Variants in NEB observed in about 807,000 individuals in gnomAD.
The protein encoded by NEB is nebulin.
In NEB, 512 loss-of-function variants were observed where a neutral mutation model predicts 952.2. That is an observed-to-expected ratio of 0.54 (90% CI 0.50 to 0.58). The LOEUF (loss-of-function observed/expected upper bound fraction) is 0.58. Ranked by LOEUF, NEB falls within the 20% of genes least tolerant of loss-of-function variation. The pLI, the probability that NEB is intolerant of heterozygous loss-of-function variation, is 0.00. For missense variants in NEB, 8,428 were observed against 9,231.1 expected, an observed-to-expected ratio of 0.91 and a Z score of 3.56; for synonymous variants, 2,900 against 3,149.8, an observed-to-expected ratio of 0.92 and a Z score of 2.66.
At chr2:151,719,181 T>C (rs1333343291) in intron 9 of NEB, among the ~76,000 whole-genome samples, 1 of 152,362 alleles carries the variant, frequency 6.6e-6, no homozygotes, top group South Asian at 2.1e-4. Flanking sequence ...AGCTCTGGGA[T>C]GGCAAAGAAG....
chr2:151,522,875 A>G (rs1455102107), intron 153 of NEB, among the ~76,000 whole-genome samples: 1 of 152,192 alleles, frequency 6.6e-6, no homozygotes, highest in African/African-American at 2.4e-5. Flanking sequence ...GAACAGGGAA[A>G]GCCCACACAC....
intron 161 of NEB, among the ~76,000 whole-genome samples, chr2:151,510,859 T>A (rs1199508439): frequency 1.3e-5 from 2 of 152,236 alleles, no homozygotes; most frequent in African/African-American, 4.8e-5. Flanking sequence ...CAGCTTACAT[T>A]GCTTGTATTA....
Position 151,537,930 on chromosome 2 carries a change from G to A in NEB, c.21044C>T (p.Ser7015Phe). Residue 7015 changes from serine (S) to phenylalanine (F), a missense_variant, in exon 140 of 182, where the codon TCC (serine) becomes TTC (phenylalanine). Ser to Phe is a radical substitution (Grantham distance 155, BLOSUM62 -2). This residue lies in a region of NEB where 3,374 missense variants were observed against 3,651.5 expected (regional missense o/e 0.92). Transcript: ENST00000397345. The stretch of plus-strand genomic sequence containing the variant: ...GAAATGCTCTGGACGATCAGGAATG[G>A]ACCTCCAGATACCCAACTGGCTCAT... Reference protein sequence around the residue: ...NYMSQLGIWRSIPDRPEHFHH... With the variant: ...NYMSQLGIWRFIPDRPEHFHH... 6.2e-7 allele frequency: 1 copy of A among 1,613,418 alleles called. No individual in the cohort carries two copies. Among genetic ancestry groups the A allele is most frequent in the Non-Finnish European group, 8.5e-7 (1 of 1,179,578 alleles).
chr2:151,601,370 A>G (rs562029680), intron 88 of NEB, among the ~76,000 whole-genome samples: 1 of 145,632 alleles, frequency 6.9e-6, no homozygotes, highest in East Asian at 2.0e-4. Context: ...TGGCCTCCCA[A>G]AATGCTGGGA....
chr2:151,576,062 T>G, intron 106 of NEB, 89 bp downstream of exon 106: 2 of 1,077,866 alleles, frequency 1.9e-6, no homozygotes, highest in Non-Finnish European at 1.3e-6. Context: ...TTAATAAAGT[T>G]TTTATTATTC....
intron 165 of NEB, 100 bp from the exon 166 acceptor site, chr2:151,503,541 T>C (rs1477461078): frequency 1.4e-6 from 1 of 722,124 alleles, no homozygotes; most frequent in African/African-American, 1.8e-5. Flanking sequence ...ATAAAAACAA[T>C]CTAGCTCTCA....
At position 151,491,489 on chromosome 2, in the gene NEB, A is replaced by C. The variant is rs1318337551; in HGVS notation, c.25150+194T>G. ...AGACATGCACTGAGGCAGTGAAACA[A>C]AATTTTTTCTAACTTGAACTTATCT... is the stretch of plus-strand genomic sequence containing the variant. On this transcript the variant is annotated intron_variant, in intron 179 of 181. Transcript: ENST00000397345. The C allele has an allele frequency of 1.6e-5, 8 of 488,936 alleles. No homozygotes were observed. The Admixed American group carries it at 2.0e-4, about 12-fold the overall frequency. 30.3% of individuals were successfully genotyped at this position (488,936 alleles called of 1,614,324 possible). A position where few individuals can be genotyped will look rare whatever the true frequency, so the allele number is the denominator to read the frequency against.
At chr2:151,707,789 T>C (rs2099718798) in intron 12 of NEB, among the ~76,000 whole-genome samples, 1 of 152,098 alleles carries the variant, frequency 6.6e-6, no homozygotes, top group African/African-American at 2.4e-5. Flanking sequence ...CTACCACTTA[T>C]GAACTCAGAA....
At chr2:151,724,711 G>A in intron 7 of NEB, 146 bp downstream of exon 7, 2 of 652,248 alleles carry the variant, frequency 3.1e-6, no homozygotes, top group South Asian at 2.0e-5. Context: ...CATCTGTGCA[G>A]CCTCCTTGAT....
At chr2:151,545,519 G>A (rs2094565890) in intron 135 of NEB, among the ~76,000 whole-genome samples, 1 of 151,952 alleles carries the variant, frequency 6.6e-6, no homozygotes, top group African/African-American at 2.4e-5. Context: ...AGGTTGCAGT[G>A]AGCCGAGATT....
At position 151,675,245 on chromosome 2, in the gene NEB, T is replaced by G. The variant is rs112663437; in HGVS notation, c.3879+42A>C. On this transcript the variant is annotated intron_variant, in intron 35 of 181. Transcript: ENST00000397345. ...CTACTCTTAAAGTCTATAATTTTAT[T>G]GTCAGGTCCGAATTTCACATCCCAG... The G allele has an allele frequency of 7.6e-4, 1,026 of 1,341,472 alleles. 6 individuals carry two copies. The African/African-American group carries it at 0.011, about 14-fold the overall frequency. 83.1% of individuals were successfully genotyped at this position (1,341,472 alleles called of 1,614,324 possible).
intron 155 of NEB, 60 bp downstream of exon 155, chr2:151,518,905 A>C: frequency 8.5e-7 from 1 of 1,178,896 alleles, no homozygotes; most frequent in South Asian, 1.3e-5. Context: ...CTGGGCTCAG[A>C]AAGAATTTAG....
intron 109 of NEB, 131 bp from the exon 110 acceptor site, chr2:151,569,503 G>A (rs1015739928): frequency 3.0e-5 from 21 of 702,118 alleles, no homozygotes; most frequent in Non-Finnish European, 3.6e-5. Flanking sequence ...AAGCAGCCAC[G>A]CAGGTAATGT....
intron 12 of NEB, among the ~76,000 whole-genome samples, chr2:151,707,481 G>A (rs2099711384): frequency 6.6e-6 from 1 of 151,912 alleles, no homozygotes; most frequent in Non-Finnish European, 1.5e-5. Flanking sequence ...ACCTGCAACT[G>A]TGCATGGAGC....
intron 102 of NEB, 93 bp from the exon 103 acceptor site, chr2:151,581,680 A>G (rs2097099696): frequency 2.1e-6 from 3 of 1,428,064 alleles, no homozygotes; most frequent in East Asian, 2.5e-5. Context: ...ATACTTGAAT[A>G]AATGGATGAT....
At chr2:151,730,093 G>A (rs1297805612) in intron 3 of NEB, among the ~76,000 whole-genome samples, 3 of 152,144 alleles carry the variant, frequency 2.0e-5, no homozygotes, top group Admixed American at 1.3e-4. Flanking sequence ...AGAAACTCGA[G>A]TGTGAATACA....
rs180881237 is a variant in NEB, at chr2:151,687,674, G to C, written c.2475C>G (p.Asp825Glu). Residue 825 changes from aspartate (D) to glutamate (E), a missense_variant, in exon 26 of 182, where the codon GAC (aspartate) becomes GAG (glutamate). Physicochemically the swap from Asp to Glu is conservative, Grantham distance 45 (BLOSUM62 2). Coordinates refer to ENST00000397345, the MANE Select transcript of NEB (RefSeq NM_001164508.2). ...SKAKKFDIKV[D>E]AIPLLAAKAN... The stretch of plus-strand genomic sequence containing the variant: ...CTTTGGCTGCCAACAGGGGAATGGC[G>C]TCCACTTTAATGTCAAACTTCTTGG... 1 of 1,607,852 alleles carries C rather than the reference G, an allele frequency of 6.2e-7. No homozygotes were observed. Among genetic ancestry groups the C allele is most frequent in the African/African-American group, 1.3e-5 (1 of 74,822 alleles).
rs749959056 is a variant in NEB, at chr2:151,667,861, C to G, written c.4662G>C (p.Leu1554Phe). ...WKKTIAKGYDLRPDAIPIVAA... is the reference protein window; with the variant it reads ...WKKTIAKGYDFRPDAIPIVAA... ...CAACAATTGGGATGGCATCTGGTCTCAAATCATAGCCCTTGGCAATGGTTT... is the reference window on the plus strand; with the variant it reads ...CAACAATTGGGATGGCATCTGGTCTGAAATCATAGCCCTTGGCAATGGTTT... Residue 1554 changes from leucine (L) to phenylalanine (F), a missense_variant, in exon 40 of 182, where the codon TTG becomes TTC. Leu to Phe is a conservative substitution (Grantham distance 22). Transcript: ENST00000397345. 2.2e-5 allele frequency: 36 copies of G among 1,612,950 alleles called. No homozygotes were observed. Among genetic ancestry groups the G allele is most frequent in the South Asian group, 1.6e-4 (15 of 90,988 alleles).
chr2:151,493,404 A>G lies in NEB; in HGVS notation c.24714T>C (p.Pro8238=), dbSNP rs775453998. Residue 8238 remains proline (P), a synonymous_variant, in exon 176 of 182, where the codon CCT becomes CCC. Transcript: ENST00000397345. The part of the protein sequence containing the change: ...KENMRKATPT[P]VTPEMERAKR... ...TAGCTCTCTCCATCTCTGGAGTAAC[A>G]GGTGTCGGAGTTGCTTTTCTCATGT... The G allele has an allele frequency of 6.2e-7, 1 of 1,609,182 alleles. No individual in the cohort carries two copies. The highest frequency in any genetic ancestry group is 1.7e-5 in the Admixed American group (1 of 59,082).
Sources: gnomAD v4.1 joint callset for allele counts (sites outside exome capture counted in the v4.1 genomes callset) on GRCh38, gnomAD v4.1.1 for gene constraint, gnomAD v4.1.1 regional missense constraint, MANE v1.5 for transcripts, NCBI Gene and HGNC (gene_info 2026-07-23, HGNC 2026-07-21) for gene names.